Variants in CTSB observed in about 807,000 individuals in gnomAD.
CTSB encodes cathepsin B, also known as APP secretase.
In CTSB, 57 loss-of-function variants were observed where a neutral mutation model predicts 44.3. That is an observed-to-expected ratio of 1.29 (90% CI 1.04 to 1.60). CTSB has a LOEUF of 1.60. CTSB is among the 40% of genes most tolerant of loss of function. CTSB has a pLI of 0.00. For missense variants in CTSB, 768 were observed against 443.0 expected (o/e 1.73, Z -6.59); for synonymous variants, 320 against 168.0 (o/e 1.91, Z -7.00).
chr8:11,853,569 G>A, intron 1 of CTSB, 90 bp from the exon 2 acceptor site: 2 of 1,323,946 alleles, frequency 1.5e-6, no homozygotes, highest in African/African-American at 1.5e-5. Flanking sequence ...CATCAGTGGG[G>A]ACCCCCATGC....
chr8:11,854,902 GA>G (rs1197093258), intron 1 of CTSB: 1 of 152,340 alleles, frequency 6.6e-6, no homozygotes, highest in Non-Finnish European at 1.5e-5. Flanking sequence ...CTCCGTGGAG[GA>G]ATCAGCGTTA....
chr8:11,848,594 T>C (rs927459564), intron 5 of CTSB: 2 of 328,304 alleles, frequency 6.1e-6, no homozygotes, highest in Non-Finnish European at 6.0e-6. Context: ...ATTTCGGATC[T>C]GCAGCCGCCA....
intron 1 of CTSB, chr8:11,864,484 C>G (rs944026476): frequency 6.6e-6 from 1 of 152,028 alleles, no homozygotes; most frequent in Non-Finnish European, 1.5e-5. Flanking sequence ...AAGCAAGACC[C>G]TGTCATTAAT....
rs565075831 is a variant in CTSB, at chr8:11,844,776, C to T, written c.*349G>A. 1 of 216,506 alleles carries T rather than the reference C, an allele frequency of 4.6e-6. No individual in the cohort carries two copies. The highest frequency in any genetic ancestry group is 9.2e-6 in the Non-Finnish European group (1 of 108,480). 13.4% of individuals were successfully genotyped at this position (216,506 alleles called of 1,614,324 possible). On this transcript the variant is annotated 3_prime_UTR_variant, in exon 10 of 10. Coordinates refer to ENST00000353047, the MANE Select transcript of CTSB (RefSeq NM_001908.5). ...GGGAACTGATGGGGGAACTTTCATC[C>T]TGTTAGGAACTCCGCTTTCCATTCC...
chr8:11,859,827 C>T (rs948290567), intron 1 of CTSB, among the ~76,000 whole-genome samples: 21 of 143,886 alleles, frequency 1.5e-4, no homozygotes, highest in Admixed American at 4.4e-4. Flanking sequence ...GTAATCCCAG[C>T]ACTTTGGGAG....
chr8:11,866,874 C>A (rs541926834), intron 1 of CTSB, among the ~76,000 whole-genome samples: 1 of 152,176 alleles, frequency 6.6e-6, no homozygotes. Context: ...GGCCTCTTCG[C>A]CTTACGTTCC....
Position 11,847,784 on chromosome 8 carries a change from CGTG to C in CTSB, c.568_570del (p.His190del), listed in dbSNP as rs771403593. ...GTGCATGGGGGCCGGGAGCCGTTGA[CGTG>C]GTGCTCACAGGGAGGGATGGAGTAC... On this transcript the variant is annotated inframe_deletion, in exon 7 of 10. Transcript: ENST00000353047. 5.6e-6 allele frequency: 9 copies of C among 1,598,442 alleles called. No individual in the cohort carries two copies. Among genetic ancestry groups the C allele is most frequent in the South Asian group, 1.1e-5 (1 of 88,830 alleles).
chr8:11,846,826 G>A (rs530169879), intron 8 of CTSB, among the ~76,000 whole-genome samples: 6 of 152,128 alleles, frequency 3.9e-5, no homozygotes, highest in African/African-American at 7.2e-5. Context: ...GGCTCTGGGA[G>A]AGGCCTCTGG....
In CTSB at chr8:11,843,931, C is replaced by G. The variant is rs981597855; in HGVS notation, c.*1194G>C. 6.6e-6 allele frequency: 1 copy of G among 152,224 alleles called. No individual in the cohort carries two copies. Among genetic ancestry groups the G allele is most frequent in the Non-Finnish European group, 1.5e-5 (1 of 68,066 alleles). 9.4% of individuals were successfully genotyped at this position (152,224 alleles called of 1,614,324 possible). A position where few individuals can be genotyped will look rare whatever the true frequency, so the allele number is the denominator to read the frequency against. ...CCTGTCATCCCAGCTACTCGGAAGGCTGAAGCAGGAGAATCGCTTGAATCT... is the reference window on the plus strand; with the variant it reads ...CCTGTCATCCCAGCTACTCGGAAGGGTGAAGCAGGAGAATCGCTTGAATCT... On this transcript the variant is annotated 3_prime_UTR_variant, in exon 10 of 10. Transcript: ENST00000353047.
chr8:11,845,165 G>C lies in CTSB; in HGVS notation c.980C>G (p.Ala327Gly), dbSNP rs1262584755. Residue 327 changes from alanine to glycine, a missense_variant, in exon 10 of 10, where the codon GCT becomes GGT. Physicochemically the swap from Ala to Gly is moderately conservative, Grantham distance 60 (BLOSUM62 0). Coordinates refer to ENST00000353047, the MANE Select transcript of CTSB (RefSeq NM_001908.5). ...DHCGIESEVV[A>G]GIPRTDQYWE... is the part of the protein sequence containing the mutation. Reference sequence around the variant, plus strand: ...GTACTGATCGGTGCGTGGAATTCCAGCCACCACTTCTGATTCGATTCCACA... The same window carrying C: ...GTACTGATCGGTGCGTGGAATTCCACCCACCACTTCTGATTCGATTCCACA... 6.2e-7 allele frequency: 1 copy of C among 1,614,070 alleles called. No homozygotes were observed. Among genetic ancestry groups the C allele is most frequent in the Non-Finnish European group, 8.5e-7 (1 of 1,179,904 alleles).
chr8:11,846,966 G>A (rs979546147), intron 8 of CTSB, 86 bp downstream of exon 8: 14 of 752,200 alleles, frequency 1.9e-5, no homozygotes, highest in South Asian at 1.7e-4. Context: ...GCCCAATCCA[G>A]CCCTATTGGT....
In CTSB at chr8:11,852,631, C is replaced by T. The variant is rs201526419; in HGVS notation, c.191G>A (p.Gly64Asp). The change falls in exon 3 of 10, where the codon GGT becomes GAT. Residue 64 changes from glycine (G) to aspartate (D), a missense_variant. Coordinates refer to ENST00000353047, the MANE Select transcript of CTSB (RefSeq NM_001908.5). ...TCACCTCTGGGGTGGCTTGGGCCCA[C>T]CCAGGAAGGTACCACATAGCCTCTT... ...YLKRLCGTFL[G>D]GPKPPQRVMF... 4.3e-6 allele frequency: 7 copies of T among 1,613,748 alleles called. No homozygotes were observed. In the South Asian group the frequency reaches 4.4e-5, roughly 10 times the overall value.
At chr8:11,848,271 G>T (rs750298529) in intron 5 of CTSB, 119 bp from the exon 6 acceptor site, 3 of 857,964 alleles carry the variant, frequency 3.5e-6, no homozygotes, top group Middle Eastern at 2.2e-4. Context: ...GCAGCAAGTG[G>T]TGCGAGCAGA....
chr8:11,848,766 A>G (rs1015347301), intron 5 of CTSB: 2 of 353,544 alleles, frequency 5.7e-6, no homozygotes, highest in Non-Finnish European at 5.5e-6. Context: ...ATGCGATGAC[A>G]CAAACCAGAC....
intron 4 of CTSB, among the ~76,000 whole-genome samples, chr8:11,850,226 C>T (rs1022111684): frequency 6.6e-6 from 1 of 152,000 alleles, no homozygotes; most frequent in African/African-American, 2.4e-5. Context: ...TGAGACCAGG[C>T]TGTCCAACAT....
At chr8:11,848,217 T>G in intron 5 of CTSB, 65 bp from the exon 6 acceptor site, 1 of 1,475,634 alleles carries the variant, frequency 6.8e-7, no homozygotes, top group Non-Finnish European at 9.5e-7. Flanking sequence ...GACCACTGTG[T>G]GCTACCCAAG....
chr8:11,865,865 A>AG (rs1026896341), intron 1 of CTSB, among the ~76,000 whole-genome samples: 2 of 150,984 alleles, frequency 1.3e-5, no homozygotes, highest in African/African-American at 4.9e-5. Context: ...AAAAAAAAAA[A>AG]AAAGCCAGGT....
At chr8:11,860,841 C>T (rs758304844) in intron 1 of CTSB, among the ~76,000 whole-genome samples, 10 of 152,172 alleles carry the variant, frequency 6.6e-5, no homozygotes, top group Non-Finnish European at 1.2e-4. Flanking sequence ...CCGCTAATAA[C>T]GGCAGTTGCT....
chr8:11,863,996 C>T (rs1354203694), intron 1 of CTSB, among the ~76,000 whole-genome samples: 2 of 152,112 alleles, frequency 1.3e-5, no homozygotes, highest in East Asian at 3.8e-4. Flanking sequence ...TAATAGTGAA[C>T]ACGAAATAAC....
Sources: gnomAD v4.1 joint callset for allele counts (sites outside exome capture counted in the v4.1 genomes callset) on GRCh38, gnomAD v4.1.1 for gene constraint, MANE v1.5 for transcripts, NCBI Gene and HGNC (gene_info 2026-07-23, HGNC 2026-07-21) for gene names.